TLE1: variants seen among roughly 807,000 people sequenced by gnomAD.
The protein encoded by TLE1 is transducin-like enhancer protein 1.
TLE1 carries 21 observed loss-of-function variants against 89.8 expected under a neutral mutation model. That is an observed-to-expected ratio of 0.23 (90% confidence interval 0.17 to 0.34). The LOEUF is 0.34. Ranked by LOEUF, TLE1 falls within the 10% of genes least tolerant of loss-of-function variation. The pLI, the probability that TLE1 is intolerant of heterozygous loss-of-function variation, is 1.00. For synonymous variants in TLE1, 447 were observed against 407.6 expected, an observed-to-expected ratio of 1.10 and a Z score of -1.16; for missense variants, 795 against 1,031.2, an observed-to-expected ratio of 0.77 and a Z score of 3.14.
Position 81,654,056 on chromosome 9 carries a change from C to A in TLE1, c.235-20G>T, listed in dbSNP as rs551270516. The A allele has an allele frequency of 1.2e-6, 2 of 1,613,268 alleles. No homozygotes were observed. Among genetic ancestry groups the A allele is most frequent in the African/African-American group, 2.7e-5 (2 of 75,028 alleles). On this transcript the variant is annotated intron_variant, in intron 4 of 19. Coordinates refer to ENST00000376499, the MANE Select transcript of TLE1 (RefSeq NM_005077.5). Reference sequence around the variant, plus strand: ...TTCAGTCTATAAAGACAAAGCCACACAAATGTTTAGAATACTTCACAATCA... The same window carrying A: ...TTCAGTCTATAAAGACAAAGCCACAAAAATGTTTAGAATACTTCACAATCA...
At chr9:81,684,786 G>T (rs1057494061) in intron 4 of TLE1, among the ~76,000 whole-genome samples, 1 of 151,722 alleles carries the variant, frequency 6.6e-6, no homozygotes, top group Admixed American at 6.6e-5. Flanking sequence ...TTGTACCAGC[G>T]TCTTGATGAA....
chr9:81,623,980 G>T (rs1418343850), intron 8 of TLE1, among the ~76,000 whole-genome samples: 1 of 151,868 alleles, frequency 6.6e-6, no homozygotes, highest in Non-Finnish European at 1.5e-5. Context: ...ATTTGCCTGA[G>T]GCCAAGCGGC....
chr9:81,591,068 A>G lies in TLE1; in HGVS notation c.1582-16T>C. On this transcript the variant is annotated splice_polypyrimidine_tract_variant and intron_variant, in intron 15 of 19. Transcript: ENST00000376499. ...TGTCTCTGTTCTGTAGAATAAACAT[A>G]ATTCATTGCTATAATGAATTACCGA... 1 of 1,604,464 alleles carries G rather than the reference A, an allele frequency of 6.2e-7. No individual in the cohort carries two copies. The highest frequency in any genetic ancestry group is 8.5e-7 in the Non-Finnish European group (1 of 1,172,330).
At chr9:81,587,067 T>C (rs370791370) in intron 17 of TLE1, among the ~76,000 whole-genome samples, 3 of 152,212 alleles carry the variant, frequency 2.0e-5, no homozygotes, top group Non-Finnish European at 1.5e-5. Flanking sequence ...CATTCAGACA[T>C]TGGACATCAA....
At chr9:81,662,795 T>C (rs1046838849) in intron 4 of TLE1, among the ~76,000 whole-genome samples, 1 of 152,126 alleles carries the variant, frequency 6.6e-6, no homozygotes, top group African/African-American at 2.4e-5. Flanking sequence ...GTGACCTTTT[T>C]TTCTTCCCTC....
At chr9:81,605,223 C>G (rs1473229956) in intron 14 of TLE1, among the ~76,000 whole-genome samples, 1 of 152,180 alleles carries the variant, frequency 6.6e-6, no homozygotes, top group Non-Finnish European at 1.5e-5. Context: ...CCTCATTTCT[C>G]TTAAGTGCCT....
intron 11 of TLE1, among the ~76,000 whole-genome samples, chr9:81,614,338 C>T (rs958057742): frequency 2.0e-5 from 3 of 152,180 alleles, no homozygotes; most frequent in African/African-American, 7.2e-5. Flanking sequence ...AAAAGAACAA[C>T]ACTTTGGAGT....
chr9:81,617,107 T>C (rs1364939140), intron 9 of TLE1, among the ~76,000 whole-genome samples: 2 of 145,990 alleles, frequency 1.4e-5, no homozygotes, highest in African/African-American at 5.2e-5. Flanking sequence ...AGGGAAACCA[T>C]TTTCCCATGG....
rs373534225 is a variant in TLE1, at chr9:81,634,176, C to T, written c.498G>A (p.Ala166=). ...ACTGCCCACTCAGAGCACTAGACAG[C>T]GCAAGAAGGCCGGCACTGCCCCCGA... The part of the protein sequence containing the change: ...PPLGGSAGLL[A]LSSALSGQSH... Residue 166 remains alanine (A), a synonymous_variant, in exon 7 of 20, where the codon GCG becomes GCA. Transcript: ENST00000376499. 95 of 1,597,070 alleles carry T rather than the reference C, an allele frequency of 5.9e-5. No homozygotes were observed. Among genetic ancestry groups the T allele is most frequent in the East Asian group, 2.2e-4 (10 of 44,542 alleles).
intron 8 of TLE1, among the ~76,000 whole-genome samples, chr9:81,624,557 G>C (rs1182031210): frequency 6.6e-6 from 1 of 151,996 alleles, no homozygotes; most frequent in African/African-American, 2.4e-5. Flanking sequence ...ATATTTAATC[G>C]AGAATCAGCT....
At chr9:81,661,250 A>G (rs1230539640) in intron 4 of TLE1, among the ~76,000 whole-genome samples, 1 of 149,960 alleles carries the variant, frequency 6.7e-6, no homozygotes, top group Non-Finnish European at 1.5e-5. Flanking sequence ...TCTTCTGAGT[A>G]GCTGAACTTA....
chr9:81,586,926 A>G (rs1828554133), intron 17 of TLE1, among the ~76,000 whole-genome samples: 1 of 152,232 alleles, frequency 6.6e-6, no homozygotes, highest in South Asian at 2.1e-4. Context: ...TTTCTGTCCT[A>G]GTTTTCTGAG....
intron 6 of TLE1, among the ~76,000 whole-genome samples, chr9:81,638,281 A>G (rs991729727): frequency 2.0e-5 from 3 of 152,240 alleles, no homozygotes; most frequent in African/African-American, 7.2e-5. Flanking sequence ...AAGCACGTCA[A>G]GAAGAATCAA....
chr9:81,595,015 G>A (rs1564119138), intron 14 of TLE1, among the ~76,000 whole-genome samples: 3 of 152,136 alleles, frequency 2.0e-5, no homozygotes, highest in Non-Finnish European at 2.9e-5. Flanking sequence ...ATTGGTTCCA[G>A]TAACTAATAG....
chr9:81,620,773 T>C (rs1825137123), intron 8 of TLE1: 2 of 978,724 alleles, frequency 2.0e-6, no homozygotes, highest in Admixed American at 6.2e-5. Context: ...CATCCAAAGC[T>C]AGGTGGATTC....
At chr9:81,642,961 A>G (rs1302608714) in intron 6 of TLE1, among the ~76,000 whole-genome samples, 1 of 152,240 alleles carries the variant, frequency 6.6e-6, no homozygotes, top group African/African-American at 2.4e-5. Context: ...CAGTAGGCTA[A>G]GCGAAATAAG....
intron 4 of TLE1, 97 bp downstream of exon 4, chr9:81,685,578 AC>A (rs141894076): frequency 0.069 from 84,607 of 1,230,294 alleles, 3,440 homozygotes; most frequent in Non-Finnish European, 0.08. Flanking sequence ...TAGCATACAA[AC>A]CCCCACCCCT....
Position 81,611,819 on chromosome 9 carries a change from T to G in TLE1, c.1204A>C (p.Ser402Arg). 1.9e-6 allele frequency: 3 copies of G among 1,554,102 alleles called. No homozygotes were observed. Among genetic ancestry groups the G allele is most frequent in the Non-Finnish European group, 2.6e-6 (3 of 1,156,596 alleles). ...ACGGCGGCCGCGGCGGCTGCGGCGC[T>G]CATCTGGGGCGACATGTTGTGTAAA... is the stretch of plus-strand genomic sequence containing the variant. ...ASLHNMSPQM[S>R]AAAAAAAVVA... is the part of the protein sequence containing the mutation. Residue 402 changes from serine to arginine, a missense_variant, in exon 13 of 20, where the codon AGC becomes CGC. Transcript: ENST00000376499.
chr9:81,654,383 C>T (rs1225577385), intron 4 of TLE1, among the ~76,000 whole-genome samples: 1 of 152,126 alleles, frequency 6.6e-6, no homozygotes, highest in Admixed American at 6.5e-5. Context: ...CTCTGTCGCC[C>T]AGGCTGGAGT....
Sources: allele counts gnomAD v4.1 joint callset (sites outside exome capture counted in the v4.1 genomes callset), GRCh38; gene constraint gnomAD v4.1.1; transcripts MANE v1.5; gene names NCBI Gene and HGNC (gene_info 2026-07-23, HGNC 2026-07-21).